PLCB4: variants seen among roughly 807,000 people sequenced by gnomAD.
PLCB4 encodes the protein phospholipase C beta 4, also known as 1-phosphatidylinositol 4,5-bisphosphate phosphodiesterase beta-4.
Under a neutral mutation model 178.8 loss-of-function variants are expected in PLCB4, and 77 were observed. The observed-to-expected ratio is 0.43, with a 90% confidence interval of 0.36 to 0.52. PLCB4 has a LOEUF of 0.52. Among genes scored for constraint, PLCB4 ranks in the 20% least tolerant of loss-of-function variants. The pLI, the probability that PLCB4 is intolerant of heterozygous loss-of-function variation, is 0.00. For synonymous variants in PLCB4, 496 were observed against 490.8 expected (o/e 1.01, Z -0.14); for missense variants, 1,024 against 1,453.4 (o/e 0.70, Z 4.80).
chr20:9,070,717 C>T (rs1473170454), intron 1 of PLCB4, among the ~76,000 whole-genome samples: 5 of 152,118 alleles, frequency 3.3e-5, no homozygotes, highest in Admixed American at 6.5e-5. Flanking sequence ...TGCTGCCAGA[C>T]GAGTAACCTT....
intron 3 of PLCB4, among the ~76,000 whole-genome samples, chr20:9,231,545 G>A (rs952835658): frequency 5.3e-5 from 8 of 152,136 alleles, no homozygotes; most frequent in Non-Finnish European, 7.4e-5. Flanking sequence ...AAAACATGAT[G>A]TATATAGCAG....
chr20:9,089,667 T>C (rs1308540346), intron 1 of PLCB4, among the ~76,000 whole-genome samples: 1 of 152,182 alleles, frequency 6.6e-6, no homozygotes. Context: ...TCATCAGAAA[T>C]CTGCTTAATA....
chr20:9,241,289 C>T (rs1050633216), intron 3 of PLCB4, among the ~76,000 whole-genome samples: 2 of 152,026 alleles, frequency 1.3e-5, no homozygotes, highest in Non-Finnish European at 2.9e-5. Flanking sequence ...CTCCCTTGTA[C>T]TTCCTGCTGT....
chr20:9,081,757 T>A (rs1205326069), intron 1 of PLCB4, among the ~76,000 whole-genome samples: 2 of 122,828 alleles, frequency 1.6e-5, no homozygotes, highest in Non-Finnish European at 3.3e-5. Flanking sequence ...GAAAACAATC[T>A]GATGATTAAG....
At chr20:9,258,714 CAAAAAAAA>C (rs969525907) in intron 3 of PLCB4, among the ~76,000 whole-genome samples, 1 of 62,780 alleles carries the variant, frequency 1.6e-5, no homozygotes, top group Non-Finnish European at 3.4e-5. Context: ...GACTTCCTCT[CAAAAAAAA>C]AAAAAAAAAA....
At chr20:9,098,704 T>C (rs2091016887) in intron 2 of PLCB4, among the ~76,000 whole-genome samples, 1 of 147,842 alleles carries the variant, frequency 6.8e-6, no homozygotes. Context: ...TATGTACATA[T>C]ATACATATAT....
At chr20:9,217,701 T>C (rs2093748670) in intron 3 of PLCB4, among the ~76,000 whole-genome samples, 1 of 152,260 alleles carries the variant, frequency 6.6e-6, no homozygotes, top group Non-Finnish European at 1.5e-5. Flanking sequence ...ACTTGCTCTC[T>C]GCAATAGTGT....
At chr20:9,472,970 C>G (rs1283336555) in intron 37 of PLCB4, 123 bp downstream of exon 37, 5 of 588,938 alleles carry the variant, frequency 8.5e-6, no homozygotes, top group Non-Finnish European at 1.5e-5. Flanking sequence ...AACATTCCAG[C>G]TTCTCTGCTC....
chr20:9,242,914 G>T lies in PLCB4; in HGVS notation c.-16+25462G>T, dbSNP rs570926806. Among the ~76,000 whole-genome samples the T allele has an allele frequency of 3.3e-5, 5 of 152,234 alleles. No individual in the cohort carries two copies. In the East Asian group the frequency reaches 9.6e-4, roughly 29 times the overall value. On this transcript the variant is annotated intron_variant, in intron 3 of 39. Coordinates refer to ENST00000378473, the MANE Select transcript of PLCB4 (RefSeq NM_001377142.1). ...CTCAATTTGGAGGCAGCTGAATTAG[G>T]GTTCTGTGTGGTATTGATGGGTTCA... is the stretch of plus-strand genomic sequence containing the variant.
At chr20:9,203,755 G>A (rs1380130412) in intron 2 of PLCB4, among the ~76,000 whole-genome samples, 5 of 147,064 alleles carry the variant, frequency 3.4e-5, no homozygotes, top group South Asian at 2.2e-4. Context: ...TCTATATTCC[G>A]AAGGCTCCAT....
chr20:9,460,699 A>G (rs1189407974), intron 35 of PLCB4, among the ~76,000 whole-genome samples: 3 of 152,232 alleles, frequency 2.0e-5, no homozygotes. Flanking sequence ...GAGACACAAC[A>G]AGAGTAGAAA....
rs1568928925 is a variant in PLCB4 at position 9,194,009 on chromosome 20, T to TA, written c.-78-23381_-78-23380insA. 5.2e-3 allele frequency among the ~76,000 whole-genome samples: 786 copies of TA among 152,106 alleles called. 7 individuals are homozygous for TA. Among genetic ancestry groups the TA allele is most frequent in the African/African-American group, 0.018 (755 of 41,498 alleles). ...CTTTAAGCATGAACTGCTTTTTTTT[T>TA]TAAAAAAAATTGGAAGCTATCACTC... is the stretch of plus-strand genomic sequence containing the variant. On this transcript the variant is annotated intron_variant, in intron 2 of 39. Coordinates refer to ENST00000378473, the MANE Select transcript of PLCB4 (RefSeq NM_001377142.1).
At chr20:9,153,501 G>A (rs534022848) in intron 2 of PLCB4, among the ~76,000 whole-genome samples, 1 of 152,244 alleles carries the variant, frequency 6.6e-6, no homozygotes, top group South Asian at 2.1e-4. Context: ...CTGCTGCCAT[G>A]TAAGAAGTGC....
chr20:9,254,940 A>G lies in PLCB4; in HGVS notation c.-16+37488A>G, dbSNP rs561031458. Among the ~76,000 whole-genome samples, 3 of 152,354 alleles carry G rather than the reference A, an allele frequency of 2.0e-5. 1 individual carries two copies. The highest frequency in any genetic ancestry group is 7.2e-5 in the African/African-American group (3 of 41,588). ...CTAGTATTAGAATTAAGAAATGTCA[A>G]GAAGAACCACCTCAAATTTTGGAAG... On this transcript the variant is annotated intron_variant, in intron 3 of 39. Transcript: ENST00000378473.
intron 1 of PLCB4, among the ~76,000 whole-genome samples, chr20:9,075,170 G>A (rs1180501089): frequency 2.0e-5 from 3 of 152,078 alleles, no homozygotes; most frequent in Non-Finnish European, 4.4e-5. Flanking sequence ...GTTAAAGTTA[G>A]AATTGAGACT....
intron 33 of PLCB4, among the ~76,000 whole-genome samples, chr20:9,455,313 C>A (rs1367819999): frequency 6.6e-6 from 1 of 151,954 alleles, no homozygotes; most frequent in East Asian, 1.9e-4. Flanking sequence ...TTAACCAAAC[C>A]AAAAATTTTT....
intron 3 of PLCB4, among the ~76,000 whole-genome samples, chr20:9,276,365 C>G (rs906490198): frequency 1.3e-5 from 2 of 152,006 alleles, no homozygotes; most frequent in East Asian, 3.9e-4. Context: ...TACTTCCAAT[C>G]ACATTTCATG....
intron 17 of PLCB4, among the ~76,000 whole-genome samples, chr20:9,391,817 C>T (rs1027435228): frequency 6.6e-6 from 1 of 152,190 alleles, no homozygotes; most frequent in African/African-American, 2.4e-5. Context: ...TGCTTCATCC[C>T]TCCCGAGGTG....
intron 1 of PLCB4, among the ~76,000 whole-genome samples, chr20:9,074,179 C>T (rs191873150): frequency 6.6e-6 from 1 of 152,280 alleles, no homozygotes; most frequent in African/African-American, 2.4e-5. Context: ...CACTCTGAGC[C>T]TCAGTTGCCC....
Sources: allele counts gnomAD v4.1 joint callset (sites outside exome capture counted in the v4.1 genomes callset), GRCh38; gene constraint gnomAD v4.1.1; transcripts MANE v1.5; gene names NCBI Gene and HGNC (gene_info 2026-07-23, HGNC 2026-07-21).